The following HS3ST3B1 variants were observed in gnomAD, a reference collection of about 807,000 sequenced individuals.
HS3ST3B1 encodes the protein heparan sulfate-glucosamine 3-sulfotransferase 3B1, also known as heparan sulfate glucosamine 3-O-sulfotransferase 3B1.
Under a neutral mutation model 21.3 loss-of-function variants are expected in HS3ST3B1, and 13 were observed. That is an observed-to-expected ratio of 0.61 (90% CI 0.40 to 0.97). The LOEUF is 0.97. Among genes scored for constraint, HS3ST3B1 ranks in the 50% least tolerant of loss-of-function variants. HS3ST3B1 has a pLI of 0.00. For missense variants in HS3ST3B1, 459 were observed against 554.8 expected, an observed-to-expected ratio of 0.83 and a Z score of 1.73; for synonymous variants, 234 against 254.8, an observed-to-expected ratio of 0.92 and a Z score of 0.78.
At chr17:14,328,003 A>T (rs1021048500) in intron 1 of HS3ST3B1, 2 of 152,202 alleles carry the variant, frequency 1.3e-5, no homozygotes, top group East Asian at 3.8e-4. Flanking sequence ...AATTCTTAGC[A>T]GCTCTCTCAC....
chr17:14,345,836 T>A lies in HS3ST3B1; in HGVS notation c.*190T>A. On this transcript the variant is annotated 3_prime_UTR_variant, in exon 2 of 2. Transcript: ENST00000360954. ...CTGTTAACATTCCAAAGTGTTTAAC[T>A]CTAGTATTTCGTTCTCTTCTTCACA... 1.4e-6 allele frequency: 1 copy of A among 728,978 alleles called. No individual in the cohort carries two copies. The allele number at this position is 728,978 out of a possible 1,614,324, so 45.2% of individuals were successfully genotyped here.
At chr17:14,317,915 C>T (rs2052194729) in intron 1 of HS3ST3B1, among the ~76,000 whole-genome samples, 2 of 151,930 alleles carry the variant, frequency 1.3e-5, no homozygotes, top group South Asian at 4.2e-4. Flanking sequence ...ACAGAGAAAG[C>T]AGAAAACACA....
intron 1 of HS3ST3B1, among the ~76,000 whole-genome samples, chr17:14,336,640 C>G (rs1380468101): frequency 6.6e-6 from 1 of 152,134 alleles, no homozygotes; most frequent in African/African-American, 2.4e-5. Context: ...CCACTCTATT[C>G]TGGAGAGGAA....
In HS3ST3B1 at chr17:14,301,577, C is replaced by T. The variant is rs1908923446; in HGVS notation, c.59C>T (p.Pro20Leu). Reference sequence around the variant, plus strand: ...CTCGATGTCCCCGGCCGGCTCCTACCGCAGCCGCCGCCGCCCCCGCCGCCG... The same window carrying T: ...CTCGATGTCCCCGGCCGGCTCCTACTGCAGCCGCCGCCGCCCCCGCCGCCG... ...SCLDVPGRLLPQPPPPPPPVR... is the reference protein window; with the variant it reads ...SCLDVPGRLLLQPPPPPPPVR... The change falls in exon 1 of 2, where the codon CCG becomes CTG. Residue 20 changes from proline to leucine, a missense_variant. Pro to Leu is a moderately conservative substitution (Grantham distance 98). Around this residue, in one of 3 missense-constraint regions of HS3ST3B1, gnomAD observed 317 missense variants for 278.6 expected, o/e 1.14. Coordinates refer to ENST00000360954, the MANE Select transcript of HS3ST3B1 (RefSeq NM_006041.3). The T allele has an allele frequency of 6.3e-7, 1 of 1,597,744 alleles. No homozygotes were observed. Among genetic ancestry groups the T allele is most frequent in the Non-Finnish European group, 8.5e-7 (1 of 1,177,638 alleles).
chr17:14,333,612 T>C (rs1334767319), intron 1 of HS3ST3B1, among the ~76,000 whole-genome samples: 1 of 150,122 alleles, frequency 6.7e-6, no homozygotes, highest in Non-Finnish European at 1.5e-5. Context: ...GGGGGCGGGG[T>C]AGGGTGTTGG....
intron 1 of HS3ST3B1, among the ~76,000 whole-genome samples, chr17:14,336,241 G>A (rs566464981): frequency 3.0e-4 from 45 of 152,282 alleles, no homozygotes; most frequent in African/African-American, 8.7e-4. Flanking sequence ...CTGTTTGCCT[G>A]TTGTGAGTTA....
rs1292456614 is a variant in HS3ST3B1 at position 14,347,372 on chromosome 17, T to C, written c.*1726T>C. ...TAATACAGGGGCAGTTGGTTAAACATATAGCAATATCACATAATGATATGT... is the reference window on the plus strand; with the variant it reads ...TAATACAGGGGCAGTTGGTTAAACACATAGCAATATCACATAATGATATGT... On this transcript the variant is annotated 3_prime_UTR_variant, in exon 2 of 2. Transcript: ENST00000360954. The C allele has an allele frequency of 6.6e-6, 1 of 152,214 alleles. No homozygotes were observed. Among genetic ancestry groups the C allele is most frequent in the East Asian group, 1.9e-4 (1 of 5,192 alleles). The allele number at this position is 152,214 out of a possible 1,614,324, so 9.4% of individuals were successfully genotyped here. A position where few individuals can be genotyped will look rare whatever the true frequency, so the allele number is the denominator to read the frequency against.
intron 1 of HS3ST3B1, among the ~76,000 whole-genome samples, chr17:14,316,705 T>A (rs1027339611): frequency 6.6e-6 from 1 of 152,142 alleles, no homozygotes; most frequent in African/African-American, 2.4e-5. Context: ...AATAACTTTT[T>A]AAAAAAATGC....
intron 1 of HS3ST3B1, among the ~76,000 whole-genome samples, chr17:14,340,466 A>C (rs1290871559): frequency 1.3e-5 from 2 of 152,102 alleles, no homozygotes; most frequent in Non-Finnish European, 2.9e-5. Flanking sequence ...TTCCGAGTTG[A>C]GGCCAATCTG....
chr17:14,323,821 G>C (rs1006054528), intron 1 of HS3ST3B1, among the ~76,000 whole-genome samples: 11 of 152,158 alleles, frequency 7.2e-5, no homozygotes, highest in African/African-American at 2.7e-4. Flanking sequence ...TCTCCAAAAC[G>C]TGCTAATGGG....
intron 1 of HS3ST3B1, among the ~76,000 whole-genome samples, chr17:14,324,203 A>G (rs2142337709): frequency 6.6e-6 from 1 of 152,272 alleles, no homozygotes; most frequent in South Asian, 2.1e-4. Context: ...TGTTTATAAC[A>G]TTTCTTGGAT....
At position 14,301,945 on chromosome 17, in the gene HS3ST3B1, A is replaced by G; in HGVS notation, c.427A>G (p.Ile143Val). Residue 143 changes from isoleucine to valine, a missense_variant, in exon 1 of 2, where the codon ATC becomes GTC. Ile to Val is a conservative substitution (Grantham distance 29). Coordinates refer to ENST00000360954, the MANE Select transcript of HS3ST3B1 (RefSeq NM_006041.3). The part of the protein sequence containing the change: ...GSKQLPQAII[I>V]GVKKGGTRAL... ...CAAGCAGCTGCCGCAGGCCATCATC[A>G]TCGGCGTGAAGAAGGGCGGCACGCG... The G allele has an allele frequency of 2.5e-6, 4 of 1,609,962 alleles. No individual in the cohort carries two copies. The African/African-American group carries it at 4.0e-5, about 16-fold the overall frequency.
At chr17:14,332,229 G>A (rs1910036128) in intron 1 of HS3ST3B1, among the ~76,000 whole-genome samples, 1 of 152,136 alleles carries the variant, frequency 6.6e-6, no homozygotes. Flanking sequence ...GAATACTTAA[G>A]GTTAGTACAT....
At chr17:14,321,423 GCTTGA>G (rs1245472130) in intron 1 of HS3ST3B1, among the ~76,000 whole-genome samples, 1 of 152,170 alleles carries the variant, frequency 6.6e-6, no homozygotes, top group Non-Finnish European at 1.5e-5. Flanking sequence ...GATGGATTGA[GCTTGA>G]CTTCTGGCCT....
At chr17:14,332,640 G>T (rs11868276) in intron 1 of HS3ST3B1, among the ~76,000 whole-genome samples, 1 of 151,852 alleles carries the variant, frequency 6.6e-6, no homozygotes, top group Admixed American at 6.6e-5. Flanking sequence ...CCATCCCACC[G>T]GTTCTTGGGT....
chr17:14,317,686 G>T (rs747022431), intron 1 of HS3ST3B1, among the ~76,000 whole-genome samples: 8 of 152,146 alleles, frequency 5.3e-5, no homozygotes, highest in Non-Finnish European at 1.2e-4. Flanking sequence ...GAAACAGTGA[G>T]GGTGCCTGGG....
rs377241387 is a variant in HS3ST3B1, at chr17:14,332,639, C to T, written c.555-12389C>T. Among the ~76,000 whole-genome samples, 26 of 152,012 alleles carry T rather than the reference C, an allele frequency of 1.7e-4. No individual in the cohort carries two copies. The South Asian group carries it at 5.4e-3, about 32-fold the overall frequency. ...AATAAGCCCTCAGCTTCCATCCCACCGGTTCTTGGGTCCCTCATTTCCCTT... is the reference window on the plus strand; with the variant it reads ...AATAAGCCCTCAGCTTCCATCCCACTGGTTCTTGGGTCCCTCATTTCCCTT... On this transcript the variant is annotated intron_variant, in intron 1 of 1. Coordinates refer to ENST00000360954, the MANE Select transcript of HS3ST3B1 (RefSeq NM_006041.3).
intron 1 of HS3ST3B1, among the ~76,000 whole-genome samples, chr17:14,333,464 ACT>A (rs1436446405): frequency 3.3e-5 from 5 of 149,606 alleles, no homozygotes; most frequent in African/African-American, 1.3e-4. Context: ...TGAGACTCCG[ACT>A]CAAAAAAAAA....
chr17:14,310,185 T>C (rs1222179368), intron 1 of HS3ST3B1, among the ~76,000 whole-genome samples: 2 of 152,104 alleles, frequency 1.3e-5, no homozygotes, highest in Non-Finnish European at 2.9e-5. Flanking sequence ...AAGGCCAGTA[T>C]CTCACAAGCT....
Sources: gnomAD v4.1 joint callset for allele counts (sites outside exome capture counted in the v4.1 genomes callset) on GRCh38, gnomAD v4.1.1 for gene constraint, gnomAD v4.1.1 regional missense constraint, MANE v1.5 for transcripts, NCBI Gene and HGNC (gene_info 2026-07-23, HGNC 2026-07-21) for gene names.